Variants in SLC44A3 observed in about 807,000 individuals in gnomAD.
SLC44A3 encodes the protein choline transporter-like protein 3.
In SLC44A3, 74 loss-of-function variants were observed where a neutral mutation model predicts 75.4. The observed-to-expected ratio is 0.98, with a 90% CI of 0.81 to 1.19. SLC44A3 has a LOEUF of 1.19. Ranked by LOEUF, SLC44A3 falls within the 50% of genes most tolerant of loss-of-function variation. The pLI is 0.00. For missense variants in SLC44A3, 700 were observed against 778.6 expected, an observed-to-expected ratio of 0.90 and a Z score of 1.20; for synonymous variants, 310 against 296.9, an observed-to-expected ratio of 1.04 and a Z score of -0.45.
intron 12 of SLC44A3, among the ~76,000 whole-genome samples, chr1:94,871,795 CA>C (rs1263348292): frequency 2.0e-5 from 3 of 152,152 alleles, no homozygotes; most frequent in African/African-American, 7.2e-5. Flanking sequence ...AGCTGTTTGC[CA>C]ATCAATAAAG....
chr1:94,894,805 T>C lies in SLC44A3; in HGVS notation c.1858-13T>C, dbSNP rs1670599433. The C allele has an allele frequency of 6.2e-7, 1 of 1,601,918 alleles. No individual in the cohort carries two copies. Among genetic ancestry groups the C allele is most frequent in the African/African-American group, 1.4e-5 (1 of 74,072 alleles). On this transcript the variant is annotated splice_polypyrimidine_tract_variant and intron_variant, in intron 14 of 14. Transcript: ENST00000271227. ...CACATAATACTATTCTAACTTGTTCTTTTGTTTTTCAGAGTTTCGTAAAAA... is the reference window on the plus strand; with the variant it reads ...CACATAATACTATTCTAACTTGTTCCTTTGTTTTTCAGAGTTTCGTAAAAA...
intron 12 of SLC44A3, among the ~76,000 whole-genome samples, chr1:94,874,067 A>G (rs2101549776): frequency 6.6e-6 from 1 of 152,016 alleles, no homozygotes; most frequent in South Asian, 2.1e-4. Context: ...TTCAGAAAGA[A>G]GCTCACATGT....
chr1:94,850,394 A>C (rs1054630552), intron 9 of SLC44A3, among the ~76,000 whole-genome samples: 3 of 152,232 alleles, frequency 2.0e-5, no homozygotes, highest in African/African-American at 7.2e-5. Flanking sequence ...TCCAGTGTTC[A>C]TTAAGGTGGT....
chr1:94,860,987 T>G (rs1557855030), intron 10 of SLC44A3, among the ~76,000 whole-genome samples: 2 of 152,170 alleles, frequency 1.3e-5, no homozygotes, highest in Non-Finnish European at 2.9e-5. Flanking sequence ...ATACCAGGTG[T>G]GTTCGAACAC....
chr1:94,838,825 G>C (rs1049113227), intron 6 of SLC44A3: 3 of 152,180 alleles, frequency 2.0e-5, no homozygotes, highest in African/African-American at 7.2e-5. Flanking sequence ...GGTTATTCCT[G>C]ATATCTTATA....
intron 10 of SLC44A3, among the ~76,000 whole-genome samples, chr1:94,857,809 CTTTTTTTTTTT>C (rs34204401): frequency 1.6e-5 from 1 of 63,966 alleles, no homozygotes. Context: ...ATGGAGTAGC[CTTTTTTTTTTT>C]TTTTTTTTTT....
At chr1:94,828,104 C>T (rs1661620707) in intron 4 of SLC44A3, among the ~76,000 whole-genome samples, 1 of 152,156 alleles carries the variant, frequency 6.6e-6, no homozygotes, top group South Asian at 2.1e-4. Flanking sequence ...CAAGTTGTAC[C>T]AGAAGCACTT....
Position 94,857,393 on chromosome 1 carries a change from G to C in SLC44A3, c.1131G>C (p.Arg377=). 1 of 1,613,898 alleles carries C rather than the reference G, an allele frequency of 6.2e-7. No individual in the cohort carries two copies. The highest frequency in any genetic ancestry group is 1.1e-5 in the South Asian group (1 of 91,000). ...QVEYKPLSGI[R]YMWSYHLIGL... ...AATATAAGCCCCTTTCGGGCATTCG[G>C]TACATGTGGTCGTACCATTTAATTG... Residue 377 remains arginine, a synonymous_variant, in exon 10 of 15, where the codon CGG becomes CGC. Transcript: ENST00000271227.
rs759726180 is a variant in SLC44A3 at position 94,845,422 on chromosome 1, T to A, written c.1030T>A (p.Trp344Arg). The A allele has an allele frequency of 1.9e-6, 3 of 1,613,728 alleles. No individual in the cohort carries two copies. The highest frequency in any genetic ancestry group is 2.5e-6 in the Non-Finnish European group (3 of 1,180,008). The change falls in exon 9 of 15, where the codon TGG (tryptophan) becomes AGG (arginine). Residue 344 changes from tryptophan (W) to arginine (R), a missense_variant. Coordinates refer to ENST00000271227, the MANE Select transcript of SLC44A3 (RefSeq NM_001114106.3). ...LWTFAILIFF[W>R]VLWVAVLLSL... Reference sequence around the variant, plus strand: ...GACATTTGCCATCCTCATTTTCTTCTGGGTCCTCTGGGTGGCTGTGCTGCT... The same window carrying A: ...GACATTTGCCATCCTCATTTTCTTCAGGGTCCTCTGGGTGGCTGTGCTGCT...
chr1:94,894,107 C>A (rs548216681), intron 14 of SLC44A3, among the ~76,000 whole-genome samples: 4 of 151,828 alleles, frequency 2.6e-5, no homozygotes, highest in Non-Finnish European at 5.9e-5. Flanking sequence ...CCACCTCCCC[C>A]CCAAAAAAAA....
At chr1:94,884,034 G>GAT (rs1281857691) in intron 12 of SLC44A3, among the ~76,000 whole-genome samples, 1 of 5,084 alleles carries the variant, frequency 2.0e-4, no homozygotes, top group African/African-American at 2.3e-4. Flanking sequence ...TGTGTTGTTT[G>GAT]ATTTTTTTAA....
At chr1:94,848,759 C>T (rs181312587) in intron 9 of SLC44A3, among the ~76,000 whole-genome samples, 25 of 152,100 alleles carry the variant, frequency 1.6e-4, no homozygotes, top group Admixed American at 3.9e-4. Context: ...AACAATGAAA[C>T]GTGTGATCGC....
At chr1:94,883,548 T>G (rs1669230492) in intron 12 of SLC44A3, among the ~76,000 whole-genome samples, 1 of 152,142 alleles carries the variant, frequency 6.6e-6, no homozygotes, top group Non-Finnish European at 1.5e-5. Context: ...GTAGAGACTT[T>G]CATCATCAAA....
intron 2 of SLC44A3, among the ~76,000 whole-genome samples, 159 bp from the exon 3 acceptor site, chr1:94,824,334 A>G (rs922525914): frequency 6.6e-5 from 10 of 152,230 alleles, no homozygotes; most frequent in Non-Finnish European, 1.5e-4. Flanking sequence ...ATGCTGATAG[A>G]TGGGAGTTGC....
At chr1:94,871,696 T>C (rs1327480206) in intron 12 of SLC44A3, among the ~76,000 whole-genome samples, 1 of 152,248 alleles carries the variant, frequency 6.6e-6, no homozygotes, top group Non-Finnish European at 1.5e-5. Flanking sequence ...GGTTCCAAAC[T>C]GATCTGAACA....
chr1:94,884,945 A>G (rs1251517394), intron 12 of SLC44A3, among the ~76,000 whole-genome samples: 1 of 152,196 alleles, frequency 6.6e-6, no homozygotes, highest in African/African-American at 2.4e-5. Context: ...ACAATTTTCT[A>G]TAAAATGAGA....
At chr1:94,880,198 G>A (rs1054842970) in intron 12 of SLC44A3, among the ~76,000 whole-genome samples, 4 of 152,156 alleles carry the variant, frequency 2.6e-5, no homozygotes, top group East Asian at 1.9e-4. Context: ...AATTCGAAGC[G>A]GGATCTCAGA....
At chr1:94,875,421 C>T (rs948663611) in intron 12 of SLC44A3, among the ~76,000 whole-genome samples, 53 of 152,142 alleles carry the variant, frequency 3.5e-4, no homozygotes, top group African/African-American at 1.2e-3. Flanking sequence ...ATCTGGGGTC[C>T]AGAGGGTTTG....
intron 5 of SLC44A3, among the ~76,000 whole-genome samples, chr1:94,834,545 C>T (rs1662530052): frequency 6.6e-6 from 1 of 151,978 alleles, no homozygotes; most frequent in Admixed American, 6.6e-5. Context: ...AGTGTAGTGG[C>T]ACGATCTCAG....
Sources: gnomAD v4.1 joint callset for allele counts (sites outside exome capture counted in the v4.1 genomes callset) on GRCh38, gnomAD v4.1.1 for gene constraint, MANE v1.5 for transcripts, NCBI Gene and HGNC (gene_info 2026-07-23, HGNC 2026-07-21) for gene names.